ATP10A: variants seen among roughly 807,000 people sequenced by gnomAD.
The protein encoded by ATP10A is ATPase phospholipid transporting 10A (putative), also known as phospholipid-transporting ATPase VA.
ATP10A carries 111 observed loss-of-function variants against 147.8 expected under a neutral mutation model. That is an observed-to-expected ratio of 0.75 (90% CI 0.64 to 0.88). The LOEUF is 0.88. ATP10A is among the 40% of genes least tolerant of loss of function. ATP10A has a pLI of 0.00. For missense variants in ATP10A, 1,927 were observed against 1,959.0 expected (o/e 0.98, Z 0.31); for synonymous variants, 875 against 841.6 (o/e 1.04, Z -0.69).
intron 1 of ATP10A, among the ~76,000 whole-genome samples, chr15:25,791,115 C>T (rs1157386297): frequency 7.0e-6 from 1 of 143,684 alleles, no homozygotes; most frequent in Non-Finnish European, 1.5e-5. Context: ...GACCCTTGCT[C>T]TGTCGCCCAG....
chr15:25,754,604 T>C (rs1247499194), intron 2 of ATP10A, among the ~76,000 whole-genome samples: 1 of 152,158 alleles, frequency 6.6e-6, no homozygotes, highest in African/African-American at 2.4e-5. Context: ...TTGGCTGAGT[T>C]GGTCAAGGCA....
chr15:25,727,305 G>A, intron 3 of ATP10A, 39 bp from the exon 4 acceptor site: 1 of 1,525,978 alleles, frequency 6.6e-7, no homozygotes, highest in East Asian at 2.3e-5. Flanking sequence ...GTGGTTGCAG[G>A]CCTGTGCCTC....
intron 1 of ATP10A, among the ~76,000 whole-genome samples, chr15:25,806,680 C>T (rs1049542607): frequency 6.6e-6 from 1 of 152,144 alleles, no homozygotes; most frequent in Non-Finnish European, 1.5e-5. Context: ...TATAATGCAT[C>T]TAACGTACAA....
chr15:25,726,711 G>C (rs1461164552), intron 4 of ATP10A, among the ~76,000 whole-genome samples: 3 of 151,500 alleles, frequency 2.0e-5, no homozygotes, highest in Admixed American at 1.3e-4. Flanking sequence ...CCAAAGTGCT[G>C]GGATTACAGG....
At chr15:25,759,222 C>G (rs1888620669) in intron 2 of ATP10A, among the ~76,000 whole-genome samples, 1 of 151,942 alleles carries the variant, frequency 6.6e-6, no homozygotes, top group East Asian at 1.9e-4. Context: ...TTTGTGGCAC[C>G]AAAACTTTAT....
chr15:25,704,480 C>T (rs1900858212), intron 12 of ATP10A, among the ~76,000 whole-genome samples: 2 of 152,168 alleles, frequency 1.3e-5, no homozygotes. Flanking sequence ...GCAGGGAAGG[C>T]CTTGCCGGAA....
intron 4 of ATP10A, among the ~76,000 whole-genome samples, chr15:25,726,587 G>A (rs990254554): frequency 8.6e-5 from 13 of 151,814 alleles, no homozygotes; most frequent in African/African-American, 2.9e-4. Flanking sequence ...GACTACAGGT[G>A]TGCACCACCA....
At chr15:25,713,112 C>T (rs1901544166) in intron 10 of ATP10A, among the ~76,000 whole-genome samples, 1 of 152,236 alleles carries the variant, frequency 6.6e-6, no homozygotes, top group African/African-American at 2.4e-5. Context: ...AGCATCCTCA[C>T]CTCCACCCAG....
chr15:25,809,702 G>A (rs1043456616), intron 1 of ATP10A, among the ~76,000 whole-genome samples: 7 of 101,328 alleles, frequency 6.9e-5, no homozygotes, highest in African/African-American at 1.2e-4. Context: ...CCCCACAGAC[G>A]GGCTGGGAAG....
intron 10 of ATP10A, 77 bp from the exon 11 acceptor site, chr15:25,708,377 C>T: frequency 7.7e-7 from 1 of 1,302,626 alleles, no homozygotes; most frequent in Non-Finnish European, 1.1e-6. Context: ...CGAGATTTAC[C>T]CCACGTCTGT....
rs1423592656 is a variant in ATP10A, at chr15:25,695,137, C to A, written c.2770G>T (p.Ala924Ser). 1 of 1,609,730 alleles carries A rather than the reference C, an allele frequency of 6.2e-7. No individual in the cohort carries two copies. Among genetic ancestry groups the A allele is most frequent in the Non-Finnish European group, 8.5e-7 (1 of 1,177,022 alleles). Residue 924 changes from alanine to serine, a missense_variant, in exon 14 of 21, where the codon GCA (alanine) becomes TCA (serine). Physicochemically the swap from Ala to Ser is moderately conservative, Grantham distance 99. Coordinates refer to ENST00000555815, the MANE Select transcript of ATP10A (RefSeq NM_024490.4). ...TLNATSQEAC[A>S]ALLDQCLCYV... ...CATAGGCACTGGTCTAGCAGGGCTGCACACGCCTCCTGAAAGGGACATGAG... is the reference window on the plus strand; with the variant it reads ...CATAGGCACTGGTCTAGCAGGGCTGAACACGCCTCCTGAAAGGGACATGAG...
At chr15:25,691,678 C>A in intron 15 of ATP10A, 37 bp downstream of exon 15, 1 of 1,608,552 alleles carries the variant, frequency 6.2e-7, no homozygotes. Flanking sequence ...GTCAGTAGGG[C>A]CAATTGGTCA....
At chr15:25,690,854 C>A (rs1206795705) in intron 15 of ATP10A, among the ~76,000 whole-genome samples, 1 of 152,176 alleles carries the variant, frequency 6.6e-6, no homozygotes, top group Non-Finnish European at 1.5e-5. Flanking sequence ...CACGGAGATT[C>A]CAGTCAGATG....
intron 15 of ATP10A, among the ~76,000 whole-genome samples, chr15:25,688,642 G>T (rs764697473): frequency 6.6e-6 from 1 of 152,180 alleles, no homozygotes; most frequent in South Asian, 2.1e-4. Context: ...TCAACAGAAG[G>T]TTATTCTAAA....
intron 1 of ATP10A, among the ~76,000 whole-genome samples, chr15:25,851,461 T>C (rs1379630559): frequency 6.6e-6 from 1 of 152,184 alleles, no homozygotes; most frequent in East Asian, 1.9e-4. Context: ...TTTTATGTTT[T>C]CAAAACAAAC....
At chr15:25,829,425 G>A (rs1252644383) in intron 1 of ATP10A, among the ~76,000 whole-genome samples, 1 of 152,204 alleles carries the variant, frequency 6.6e-6, no homozygotes, top group Admixed American at 6.5e-5. Context: ...GTGAATAAAT[G>A]AGTATTGAGT....
intron 2 of ATP10A, among the ~76,000 whole-genome samples, chr15:25,779,809 G>A (rs1227645420): frequency 6.6e-6 from 1 of 150,858 alleles, no homozygotes; most frequent in African/African-American, 2.5e-5. Context: ...ATTTGAGGCA[G>A]CTCACAAAAA....
intron 13 of ATP10A, among the ~76,000 whole-genome samples, chr15:25,698,879 T>C (rs1900504564): frequency 6.6e-6 from 1 of 152,168 alleles, no homozygotes; most frequent in Non-Finnish European, 1.5e-5. Context: ...CTTGGGTATG[T>C]ATCTAACAAA....
downstream of ATP10A, among the ~76,000 whole-genome samples, chr15:25,674,708 A>C (rs543790045): frequency 3.3e-5 from 5 of 152,338 alleles, 1 homozygote; most frequent in Middle Eastern, 3.4e-3. Context: ...TGCAAAGTTA[A>C]CATCTGTAAA....
Sources: gnomAD v4.1 joint callset for allele counts (sites outside exome capture counted in the v4.1 genomes callset) on GRCh38, gnomAD v4.1.1 for gene constraint, MANE v1.5 for transcripts, NCBI Gene and HGNC (gene_info 2026-07-23, HGNC 2026-07-21) for gene names.